The following TACR1 variants were observed in gnomAD, a reference collection of about 807,000 sequenced individuals.
TACR1 encodes the protein tachykinin receptor 1.
A neutral mutation model predicts 35.8 loss-of-function variants in TACR1; 25 were observed. The ratio of observed to expected loss-of-function variants is 0.70; its 90% CI spans 0.51 to 0.98. TACR1 has a LOEUF of 0.98. Ranked by LOEUF, TACR1 falls within the 50% of genes least tolerant of loss-of-function variation. TACR1 has a pLI of 0.00. For missense variants in TACR1, 478 were observed against 522.9 expected, an observed-to-expected ratio of 0.91 and a Z score of 0.84; for synonymous variants, 195 against 206.7, an observed-to-expected ratio of 0.94 and a Z score of 0.48.
intron 2 of TACR1, among the ~76,000 whole-genome samples, chr2:75,109,809 A>C (rs911016260): frequency 2.6e-5 from 4 of 152,232 alleles, no homozygotes; most frequent in Non-Finnish European, 4.4e-5. Flanking sequence ...ATGCCTAAGA[A>C]TTCACCCAGA....
intron 2 of TACR1, among the ~76,000 whole-genome samples, chr2:75,078,613 A>G (rs1260175036): frequency 6.6e-6 from 1 of 151,974 alleles, no homozygotes; most frequent in Admixed American, 6.6e-5. Flanking sequence ...ACCTGAACCT[A>G]CTCCAGTCAC....
intron 1 of TACR1, among the ~76,000 whole-genome samples, chr2:75,196,744 G>T (rs887316932): frequency 6.6e-6 from 1 of 152,114 alleles, no homozygotes; most frequent in Non-Finnish European, 1.5e-5. Context: ...CTGTCTGCTG[G>T]TGCTCCATCA....
chr2:75,110,556 A>G (rs182312106), intron 2 of TACR1, among the ~76,000 whole-genome samples: 1 of 152,124 alleles, frequency 6.6e-6, no homozygotes, highest in Non-Finnish European at 1.5e-5. Context: ...TATGAAACAT[A>G]CAAGGGGCAC....
At chr2:75,173,863 A>C (rs538740407) in intron 1 of TACR1, among the ~76,000 whole-genome samples, 2 of 152,342 alleles carry the variant, frequency 1.3e-5, no homozygotes, top group South Asian at 4.1e-4. Context: ...TCTTATGCAA[A>C]GAACAGTTCT....
chr2:75,105,992 G>T (rs1315235612), intron 2 of TACR1, among the ~76,000 whole-genome samples: 1 of 151,710 alleles, frequency 6.6e-6, no homozygotes, highest in African/African-American at 2.4e-5. Context: ...AGAAAAACTG[G>T]GAAAAAAGTA....
At chr2:75,180,867 T>C (rs1359460027) in intron 1 of TACR1, among the ~76,000 whole-genome samples, 1 of 152,244 alleles carries the variant, frequency 6.6e-6, no homozygotes, top group Non-Finnish European at 1.5e-5. Flanking sequence ...ATATAACTGA[T>C]ACAGCAGAGG....
chr2:75,191,466 T>C (rs1054824656), intron 1 of TACR1, among the ~76,000 whole-genome samples: 2 of 152,006 alleles, frequency 1.3e-5, no homozygotes, highest in African/African-American at 2.4e-5. Flanking sequence ...TCTGGTATGC[T>C]TGGGTAGACG....
chr2:75,149,422 T>C (rs1381028292), intron 1 of TACR1, among the ~76,000 whole-genome samples: 1 of 152,136 alleles, frequency 6.6e-6, no homozygotes, highest in African/African-American at 2.4e-5. Context: ...CCTTGAGCAG[T>C]GGTTTGTAGT....
intron 2 of TACR1, among the ~76,000 whole-genome samples, chr2:75,067,935 G>T (rs1055218019): frequency 2.0e-5 from 3 of 152,162 alleles, no homozygotes; most frequent in African/African-American, 7.2e-5. Context: ...GTTAGGCAGG[G>T]TGGGATATGA....
At chr2:75,092,160 A>G (rs1673324810) in intron 2 of TACR1, among the ~76,000 whole-genome samples, 1 of 152,194 alleles carries the variant, frequency 6.6e-6, no homozygotes. Context: ...GTGACGTAAG[A>G]GAGGGTTTAT....
At chr2:75,187,291 G>A (rs1675730580) in intron 1 of TACR1, 1 of 152,250 alleles carries the variant, frequency 6.6e-6, no homozygotes, top group Non-Finnish European at 1.5e-5. Context: ...GAGTGCAGTA[G>A]CACCTCAGGG....
At chr2:75,060,253 C>T (rs999183574) in intron 2 of TACR1, among the ~76,000 whole-genome samples, 7 of 152,018 alleles carry the variant, frequency 4.6e-5, no homozygotes, top group African/African-American at 1.2e-4. Flanking sequence ...AGGAGAGGCA[C>T]GAGTGAGCCT....
At chr2:75,154,493 C>CACACACACACACACAG in intron 1 of TACR1, 1 of 110,804 alleles carries the variant, frequency 9.0e-6, no homozygotes, top group African/African-American at 3.9e-5. Context: ...ACCCACCACA[C>CACACACACACACACAG]ACACACACAC....
At chr2:75,155,588 T>C (rs1044799612) in intron 1 of TACR1, among the ~76,000 whole-genome samples, 2 of 152,334 alleles carry the variant, frequency 1.3e-5, no homozygotes, top group Admixed American at 6.5e-5. Context: ...AAGGGTCACA[T>C]AGCTCAGATA....
At chr2:75,097,783 A>G (rs1033579837) in intron 2 of TACR1, among the ~76,000 whole-genome samples, 2 of 152,108 alleles carry the variant, frequency 1.3e-5, no homozygotes, top group African/African-American at 4.8e-5. Context: ...TCTCCTCCCT[A>G]GGGATCTGCA....
intron 1 of TACR1, among the ~76,000 whole-genome samples, chr2:75,152,305 CCA>C (rs752259063): frequency 6.6e-4 from 101 of 152,270 alleles, no homozygotes; most frequent in Middle Eastern, 3.4e-3. Flanking sequence ...CCCATAATTC[CCA>C]CGTGTTGTGG....
At chr2:75,110,434 A>T (rs1316822944) in intron 2 of TACR1, among the ~76,000 whole-genome samples, 1 of 151,982 alleles carries the variant, frequency 6.6e-6, no homozygotes, top group African/African-American at 2.4e-5. Context: ...CTAAAGTAAA[A>T]ATTTTAGATG....
At chr2:75,156,764 C>T (rs1003225892) in intron 1 of TACR1, among the ~76,000 whole-genome samples, 6 of 152,106 alleles carry the variant, frequency 3.9e-5, no homozygotes, top group Admixed American at 6.5e-5. Context: ...TATAGCAGCC[C>T]TAGGAAATGA....
In TACR1 at chr2:75,199,044, TGGAA is replaced by T; in HGVS notation, c.-114_-111del. ...GTCCTTCTAAAGCCAGACAGGAGGG[TGGAA>T]GGCTTTTTCTGGGCAGCACTCTTTT... On this transcript the variant is annotated 5_prime_UTR_variant, in exon 1 of 5. Coordinates refer to ENST00000305249, the MANE Select transcript of TACR1 (RefSeq NM_001058.4). 1 of 1,373,984 alleles carries T rather than the reference TGGAA, an allele frequency of 7.3e-7. No individual in the cohort carries two copies. Among genetic ancestry groups the T allele is most frequent in the East Asian group, 2.5e-5 (1 of 40,534 alleles). 85.1% of individuals were successfully genotyped at this position (1,373,984 alleles called of 1,614,324 possible).
Sources: allele counts gnomAD v4.1 joint callset (sites outside exome capture counted in the v4.1 genomes callset), GRCh38; gene constraint gnomAD v4.1.1; transcripts MANE v1.5; gene names NCBI Gene and HGNC (gene_info 2026-07-23, HGNC 2026-07-21).